Variants in USP34 observed in about 807,000 individuals in gnomAD.
USP34 encodes the protein ubiquitin carboxyl-terminal hydrolase 34.
In USP34, 70 loss-of-function variants were observed where a neutral mutation model predicts 460.3. The observed-to-expected ratio is 0.15, with a 90% CI of 0.13 to 0.19. USP34 has a LOEUF of 0.19. USP34 is among the 10% of genes least tolerant of loss of function. The pLI, the probability that USP34 is intolerant of heterozygous loss-of-function variation, is 1.00. For missense variants in USP34, 3,985 were observed against 4,236.2 expected (o/e 0.94, Z 1.65); for synonymous variants, 1,647 against 1,405.3 (o/e 1.17, Z -3.85).
At chr2:61,192,858 A>C in intron 76 of USP34, 43 bp downstream of exon 76, 1 of 1,523,400 alleles carries the variant, frequency 6.6e-7, no homozygotes, top group South Asian at 1.2e-5. Context: ...CCACTTGGTC[A>C]GATAAGATTA....
intron 1 of USP34, among the ~76,000 whole-genome samples, chr2:61,441,802 C>CAAAAAAAAAA (rs70963429): frequency 5.1e-5 from 5 of 97,324 alleles, no homozygotes; most frequent in Non-Finnish European, 8.5e-5. Context: ...GACTGCATTA[C>CAAAAAAAAAA]AAAAAAAAAA....
intron 1 of USP34, among the ~76,000 whole-genome samples, chr2:61,430,327 C>T (rs1312848113): frequency 6.6e-6 from 1 of 152,166 alleles, no homozygotes; most frequent in Non-Finnish European, 1.5e-5. Flanking sequence ...TCACTTGAAC[C>T]CAGGAGGCAG....
Position 61,293,497 on chromosome 2 carries a change from A to C in USP34, c.4515T>G (p.Ile1505Met). Reference sequence around the variant, plus strand: ...ATGATTCCTGCTCTTTAGGCTCTAGAATTCCAGAATTAAAAATTTCTAATA... The same window carrying C: ...ATGATTCCTGCTCTTTAGGCTCTAGCATTCCAGAATTAAAAATTTCTAATA... ...QQLLEIFNSG[I>M]LEPKEQESWT... Residue 1505 changes from isoleucine (I) to methionine (M), a missense_variant, in exon 33 of 80, where the codon ATT (isoleucine) becomes ATG (methionine). Coordinates refer to ENST00000398571, the MANE Select transcript of USP34 (RefSeq NM_014709.4). 6.2e-7 allele frequency: 1 copy of C among 1,613,116 alleles called. No homozygotes were observed. Among genetic ancestry groups the C allele is most frequent in the Middle Eastern group, 1.7e-4 (1 of 6,056 alleles).
chr2:61,268,838 C>T (rs771656464), intron 41 of USP34, among the ~76,000 whole-genome samples: 2 of 152,072 alleles, frequency 1.3e-5, no homozygotes, highest in Non-Finnish European at 2.9e-5. Context: ...AAGGACCATC[C>T]TTCTCACTAA....
chr2:61,387,142 G>A (rs1348988031), intron 5 of USP34, among the ~76,000 whole-genome samples: 1 of 152,016 alleles, frequency 6.6e-6, no homozygotes, highest in Non-Finnish European at 1.5e-5. Context: ...CCTATGAAAA[G>A]GTGCTGATTC....
At chr2:61,326,418 G>A (rs1385282439) in intron 20 of USP34, among the ~76,000 whole-genome samples, 1 of 152,054 alleles carries the variant, frequency 6.6e-6, no homozygotes, top group South Asian at 2.1e-4. Context: ...TAGTAGAGAC[G>A]GGGTTTCACC....
chr2:61,323,128 C>T (rs1191011256), intron 21 of USP34, among the ~76,000 whole-genome samples: 1 of 152,158 alleles, frequency 6.6e-6, no homozygotes, highest in Non-Finnish European at 1.5e-5. Context: ...GCCTGTAATC[C>T]TAGCACTTTG....
intron 53 of USP34, among the ~76,000 whole-genome samples, chr2:61,240,921 C>T (rs1688238260): frequency 6.6e-6 from 1 of 152,132 alleles, no homozygotes; most frequent in African/African-American, 2.4e-5. Flanking sequence ...TGCTTGAGGG[C>T]ATGGGTCTGT....
intron 8 of USP34, among the ~76,000 whole-genome samples, chr2:61,374,663 G>A (rs1692737774): frequency 6.6e-6 from 1 of 151,500 alleles, no homozygotes; most frequent in African/African-American, 2.4e-5. Flanking sequence ...AGGCCGAAGT[G>A]CAGTGGCGCA....
chr2:61,188,468 T>C lies in USP34; in HGVS notation c.10275A>G (p.Glu3425=). ...GCTGTGACCTGATATTTGACATGTC[T>C]TCTGAAAACGAAGATGGAACTTCCA... ...YRMEVPSSFS[E]DMSNIRSQHA... The change falls in exon 80 of 80, where the codon GAA becomes GAG. Residue 3425 remains glutamate, a synonymous_variant. Coordinates refer to ENST00000398571, the MANE Select transcript of USP34 (RefSeq NM_014709.4). The C allele has an allele frequency of 6.2e-7, 1 of 1,614,230 alleles. No homozygotes were observed. Among genetic ancestry groups the C allele is most frequent in the Non-Finnish European group, 8.5e-7 (1 of 1,180,034 alleles).
intron 16 of USP34, among the ~76,000 whole-genome samples, chr2:61,341,792 G>C (rs144140233): frequency 2.4e-5 from 3 of 123,148 alleles, no homozygotes; most frequent in Non-Finnish European, 3.2e-5. Context: ...ATGCAGTCTC[G>C]CTGTGTTGCC....
At position 61,190,486 on chromosome 2, in the gene USP34, A is replaced by G. The variant is rs750076412; in HGVS notation, c.9729+32T>C. 8.1e-6 allele frequency: 13 copies of G among 1,606,440 alleles called. No individual in the cohort carries two copies. In the Admixed American group the frequency reaches 2.0e-4, roughly 25 times the overall value. ...AACCACAAGCATTAACTAATTAGAAATGACACACTGAGTTTCCAAAGTACT... is the reference window on the plus strand; with the variant it reads ...AACCACAAGCATTAACTAATTAGAAGTGACACACTGAGTTTCCAAAGTACT... On this transcript the variant is annotated intron_variant, in intron 77 of 79. Transcript: ENST00000398571.
At chr2:61,216,495 G>C (rs945347910) in intron 67 of USP34, among the ~76,000 whole-genome samples, 1 of 152,140 alleles carries the variant, frequency 6.6e-6, no homozygotes, top group Non-Finnish European at 1.5e-5. Context: ...AGCTACTCGG[G>C]AGGCTGAGGC....
At chr2:61,343,043 A>T (rs1572951757) in intron 16 of USP34, among the ~76,000 whole-genome samples, 1 of 152,204 alleles carries the variant, frequency 6.6e-6, no homozygotes. Context: ...ATTGTTGCCA[A>T]GGTCCACAAG....
chr2:61,278,370 T>C lies in USP34; in HGVS notation c.5312+18A>G, dbSNP rs571461836. ...CTTTCCTCGACAATATAAATGTCAA[T>C]TTCACATCAAATTTTACCTTCGAAT... On this transcript the variant is annotated intron_variant, in intron 40 of 79. Transcript: ENST00000398571. The C allele has an allele frequency of 1.2e-6, 2 of 1,608,294 alleles. No homozygotes were observed. The highest frequency in any genetic ancestry group is 1.7e-6 in the Non-Finnish European group (2 of 1,177,824).
At chr2:61,404,815 C>T (rs192555409) in intron 3 of USP34, among the ~76,000 whole-genome samples, 8 of 152,284 alleles carry the variant, frequency 5.3e-5, no homozygotes, top group South Asian at 2.1e-4. Flanking sequence ...TCTCAATTCC[C>T]ACTATGCCTA....
chr2:61,405,695 C>A lies in USP34; in HGVS notation c.552+13G>T. The A allele has an allele frequency of 6.6e-7, 1 of 1,509,232 alleles. No homozygotes were observed. Among genetic ancestry groups the A allele is most frequent in the Non-Finnish European group, 8.8e-7 (1 of 1,132,440 alleles). 93.5% of individuals were successfully genotyped at this position (1,509,232 alleles called of 1,614,324 possible). A position where few individuals can be genotyped will look rare whatever the true frequency, so the allele number is the denominator to read the frequency against. ...TGGTATTACTTAAAATTCACACCACCTATTTTACATACCTCAATAGTAGGG... is the reference window on the plus strand; with the variant it reads ...TGGTATTACTTAAAATTCACACCACATATTTTACATACCTCAATAGTAGGG... On this transcript the variant is annotated intron_variant, in intron 3 of 79. Coordinates refer to ENST00000398571, the MANE Select transcript of USP34 (RefSeq NM_014709.4).
At chr2:61,408,810 T>C (rs1242774610) in intron 2 of USP34, among the ~76,000 whole-genome samples, 1 of 151,942 alleles carries the variant, frequency 6.6e-6, no homozygotes, top group East Asian at 1.9e-4. Context: ...GGAGAGTCAC[T>C]TGAACTTGGG....
At chr2:61,421,314 C>T (rs949721280) in intron 1 of USP34, among the ~76,000 whole-genome samples, 1 of 152,194 alleles carries the variant, frequency 6.6e-6, no homozygotes, top group African/African-American at 2.4e-5. Context: ...TCAGAGGTAT[C>T]AGCAGTAGCC....
Sources: gnomAD v4.1 joint callset for allele counts (sites outside exome capture counted in the v4.1 genomes callset) on GRCh38, gnomAD v4.1.1 for gene constraint, MANE v1.5 for transcripts, NCBI Gene and HGNC (gene_info 2026-07-23, HGNC 2026-07-21) for gene names.